The following OGDH variants were observed in gnomAD, a reference collection of about 807,000 sequenced individuals.
The protein encoded by OGDH is 2-oxoglutarate dehydrogenase complex component E1.
In OGDH, 38 loss-of-function variants were observed where a neutral mutation model predicts 116.6. The ratio of observed to expected loss-of-function variants is 0.33; its 90% CI spans 0.25 to 0.43. The LOEUF is 0.43. OGDH is among the 20% of genes least tolerant of loss of function. OGDH has a pLI of 1.00. For synonymous variants in OGDH, 488 were observed against 533.3 expected (o/e 0.92, Z 1.17); for missense variants, 825 against 1,357.2 (o/e 0.61, Z 6.16).
intron 2 of OGDH, among the ~76,000 whole-genome samples, chr7:44,625,648 A>C (rs193056265): frequency 6.6e-6 from 1 of 152,258 alleles, no homozygotes; most frequent in Admixed American, 6.5e-5. Context: ...TGAGCAGGGC[A>C]CTCAGCTCGG....
intron 9 of OGDH, chr7:44,676,693 G>C (rs565759597): frequency 2.6e-6 from 1 of 389,674 alleles, no homozygotes; most frequent in African/African-American, 2.2e-5. Flanking sequence ...TGCTTACAGT[G>C]TTCCTTTTCC....
chr7:44,656,021 C>A (rs578195115), intron 4 of OGDH, among the ~76,000 whole-genome samples: 1 of 152,294 alleles, frequency 6.6e-6, no homozygotes, highest in Admixed American at 6.5e-5. Flanking sequence ...AGATGAGGAG[C>A]TCTCAAATGA....
intron 1 of OGDH, among the ~76,000 whole-genome samples, chr7:44,617,983 C>T (rs969724982): frequency 6.6e-6 from 1 of 152,248 alleles, no homozygotes; most frequent in East Asian, 1.9e-4. Flanking sequence ...TGGGGAAATT[C>T]GAGGCATAGA....
rs201390422 is a variant in OGDH, at chr7:44,696,413, G to C, written c.1772-16G>C. 3.5e-5 allele frequency: 56 copies of C among 1,608,322 alleles called. No homozygotes were observed. The highest frequency in any genetic ancestry group is 3.4e-4 in the South Asian group (31 of 90,392). On this transcript the variant is annotated splice_polypyrimidine_tract_variant and intron_variant, in intron 13 of 22. Coordinates refer to ENST00000222673, the MANE Select transcript of OGDH (RefSeq NM_002541.4). ...GTAGAGCAGATGTCATGCCTCAGTT[G>C]TTCTTCTTCTCCTAGGCTTCTTCAC...
rs755054721 is a variant in OGDH at position 44,700,277 on chromosome 7, G to T, written c.2559+8G>T. The T allele has an allele frequency of 1.9e-6, 3 of 1,613,840 alleles. No homozygotes were observed. In the African/African-American group the frequency reaches 4.0e-5, roughly 22 times the overall value. Reference sequence around the variant, plus strand: ...CTGCCATTCCGGAAGCCGGTCAGTGGCAGGGCCTCCCTTGCTCAAACGAGG... The same window carrying T: ...CTGCCATTCCGGAAGCCGGTCAGTGTCAGGGCCTCCCTTGCTCAAACGAGG... On this transcript the variant is annotated splice_region_variant and intron_variant, in intron 19 of 22. Transcript: ENST00000222673.
intron 1 of OGDH, among the ~76,000 whole-genome samples, chr7:44,611,387 G>C (rs555395093): frequency 1.1e-4 from 16 of 152,104 alleles, no homozygotes; most frequent in African/African-American, 3.9e-4. Context: ...TCCCACCTCA[G>C]CCTCCTGAGT....
intron 18 of OGDH, 111 bp downstream of exon 18, chr7:44,698,374 C>A: frequency 8.8e-7 from 1 of 1,132,470 alleles, no homozygotes; most frequent in South Asian, 1.3e-5. Flanking sequence ...GCCTCTGTCC[C>A]TTTCTCCATC....
Position 44,706,919 on chromosome 7 carries a change from C to T in OGDH, c.2633-306C>T, listed in dbSNP as rs531079936. ...GATTGCAGGCGTGAGCCACCGCACC[C>T]GGCCGGGATGTTTTAATAATACTCT... is the stretch of plus-strand genomic sequence containing the variant. On this transcript the variant is annotated intron_variant, in intron 20 of 22. Transcript: ENST00000222673. Among the ~76,000 whole-genome samples, 23 of 152,286 alleles carry T rather than the reference C, an allele frequency of 1.5e-4. 1 individual carries two copies. In the South Asian group the frequency reaches 4.1e-3, roughly 27 times the overall value.
chr7:44,612,438 A>G (rs968839793), intron 1 of OGDH, among the ~76,000 whole-genome samples: 1 of 151,800 alleles, frequency 6.6e-6, no homozygotes, highest in Admixed American at 6.6e-5. Context: ...GCTGGAGTGC[A>G]ATGGGCATGA....
intron 10 of OGDH, among the ~76,000 whole-genome samples, chr7:44,682,284 C>T (rs1234737232): frequency 6.6e-6 from 1 of 151,830 alleles, no homozygotes; most frequent in Non-Finnish European, 1.5e-5. Flanking sequence ...GCTTGGAAGG[C>T]TGAGGCAGGA....
intron 14 of OGDH, 85 bp from the exon 15 acceptor site, chr7:44,696,829 C>T (rs1002308719): frequency 5.7e-5 from 84 of 1,462,068 alleles, no homozygotes; most frequent in East Asian, 3.5e-4. Context: ...AAGAAGGCTC[C>T]GCTCTTGCCA....
intron 4 of OGDH, chr7:44,656,344 C>G: frequency 6.5e-7 from 1 of 1,535,922 alleles, no homozygotes; most frequent in Non-Finnish European, 8.7e-7. Flanking sequence ...GGAACGACTT[C>G]GAATGCTAAC....
intron 18 of OGDH, 51 bp from the exon 19 acceptor site, chr7:44,700,090 G>T: frequency 6.2e-7 from 1 of 1,601,680 alleles, no homozygotes; most frequent in Non-Finnish European, 8.5e-7. Flanking sequence ...ACATGCCCCA[G>T]AAGACTCAGT....
intron 20 of OGDH, among the ~76,000 whole-genome samples, chr7:44,704,091 A>G (rs1164171174): frequency 6.6e-6 from 1 of 152,130 alleles, no homozygotes; most frequent in African/African-American, 2.4e-5. Context: ...GAATTGCTGG[A>G]CCATATGGTA....
intron 2 of OGDH, among the ~76,000 whole-genome samples, chr7:44,626,778 G>A (rs1326003302): frequency 1.3e-5 from 2 of 152,130 alleles, no homozygotes; most frequent in East Asian, 3.9e-4. Context: ...GAGTCTCCAG[G>A]GGGCACAGTG....
rs538373971 is a variant in OGDH, at chr7:44,676,039, A to G, written c.1096A>G (p.Ile366Val). ...RRINRVTDRN[I>V]TLSLVANPSH... ...GATCAATCGTGTCACCGACAGGAAC[A>G]TTACCTTGTCCTTGGTGGCCAACCC... is the stretch of plus-strand genomic sequence containing the variant. The change falls in exon 9 of 23, where the codon ATT becomes GTT. Residue 366 changes from isoleucine (I) to valine (V), a missense_variant. Around this residue, in one of 7 missense-constraint regions of OGDH, gnomAD observed 146 missense variants for 317.3 expected, o/e 0.46. Transcript: ENST00000222673. The G allele has an allele frequency of 5.0e-6, 8 of 1,614,092 alleles. No individual in the cohort carries two copies. The Admixed American group carries it at 6.7e-5, about 13-fold the overall frequency.
Position 44,707,166 on chromosome 7 carries a change from G to T in OGDH, c.2633-59G>T. The T allele has an allele frequency of 1.9e-6, 3 of 1,585,338 alleles. No individual in the cohort carries two copies. Among genetic ancestry groups the T allele is most frequent in the South Asian group, 1.1e-5 (1 of 87,678 alleles). On this transcript the variant is annotated intron_variant, in intron 20 of 22. Transcript: ENST00000222673. This position sits in a 1 kb window ranked among gnomAD's most constrained non-coding sequence, Gnocchi z 5.2. ...AGTCCCTGGCACAGCCCTGGGCCCA[G>T]GAGAGCTCTCAGCCACATACCTGAG...
intron 1 of OGDH, among the ~76,000 whole-genome samples, chr7:44,612,258 G>GT (rs2117216996): frequency 6.6e-6 from 1 of 152,214 alleles, no homozygotes; most frequent in Admixed American, 6.5e-5. Context: ...ATTGATCTTT[G>GT]TGTCTATCCC....
At chr7:44,690,516 A>T (rs190812948) in intron 10 of OGDH, among the ~76,000 whole-genome samples, 3 of 152,354 alleles carry the variant, frequency 2.0e-5, no homozygotes, top group Admixed American at 1.3e-4. Flanking sequence ...TAATACACCC[A>T]TAGTGGAAAA....
Sources: gnomAD v4.1 joint callset for allele counts (sites outside exome capture counted in the v4.1 genomes callset) on GRCh38, gnomAD v4.1.1 for gene constraint, gnomAD v4.1.1 regional missense constraint, Gnocchi (gnomAD v3.1) non-coding constraint, MANE v1.5 for transcripts, NCBI Gene and HGNC (gene_info 2026-07-23, HGNC 2026-07-21) for gene names.